Variants in VTA1 observed in about 807,000 individuals in gnomAD.
The protein encoded by VTA1 is vacuolar protein sorting-associated protein VTA1 homolog.
VTA1 carries 24 observed loss-of-function variants against 36.9 expected under a neutral mutation model. The ratio of observed to expected loss-of-function variants is 0.65; its 90% confidence interval spans 0.47 to 0.91. VTA1 has a LOEUF of 0.91. VTA1 is among the 40% of genes least tolerant of loss of function. The probability of loss-of-function intolerance (pLI) is 0.00; values close to 1 mark genes in which losing one functional copy is unlikely to be tolerated. For missense variants in VTA1, 393 were observed against 377.2 expected, an observed-to-expected ratio of 1.04 and a Z score of -0.35; for synonymous variants, 142 against 130.2, an observed-to-expected ratio of 1.09 and a Z score of -0.62.
intron 1 of VTA1, among the ~76,000 whole-genome samples, chr6:142,162,051 C>T (rs776903241): frequency 6.6e-6 from 1 of 152,094 alleles, no homozygotes; most frequent in Non-Finnish European, 1.5e-5. Context: ...TACATATGCA[C>T]ACAAACTAAG....
At chr6:142,147,675 CTG>C (rs947352458) in intron 1 of VTA1, among the ~76,000 whole-genome samples, 3 of 152,212 alleles carry the variant, frequency 2.0e-5, no homozygotes, top group Admixed American at 6.5e-5. Flanking sequence ...AAGGTTTTCT[CTG>C]TGTGTGTACA....
At chr6:142,150,361 T>C (rs1157793334) in intron 1 of VTA1, among the ~76,000 whole-genome samples, 1 of 152,220 alleles carries the variant, frequency 6.6e-6, no homozygotes, top group Non-Finnish European at 1.5e-5. Context: ...AATTCTTGAC[T>C]TCCATGTTTT....
chr6:142,197,728 G>A (rs1042031491), intron 5 of VTA1, among the ~76,000 whole-genome samples: 1 of 152,062 alleles, frequency 6.6e-6, no homozygotes, highest in East Asian at 1.9e-4. Context: ...AATGTGGCAT[G>A]TTTTGCCAGA....
chr6:142,160,924 A>G (rs571110002), intron 1 of VTA1, among the ~76,000 whole-genome samples: 1 of 152,102 alleles, frequency 6.6e-6, no homozygotes, highest in Non-Finnish European at 1.5e-5. Flanking sequence ...CTTACCCTAT[A>G]CTTTGATTTT....
intron 1 of VTA1, among the ~76,000 whole-genome samples, chr6:142,156,834 A>G (rs1188935861): frequency 1.3e-5 from 2 of 152,214 alleles, no homozygotes; most frequent in African/African-American, 4.8e-5. Context: ...TGTAAATGCT[A>G]AATAACAATG....
At chr6:142,173,320 T>G (rs962497062) in intron 4 of VTA1, among the ~76,000 whole-genome samples, 3 of 152,218 alleles carry the variant, frequency 2.0e-5, no homozygotes, top group Non-Finnish European at 4.4e-5. Context: ...TTCGTAGATG[T>G]GAATGGAAAT....
At chr6:142,194,250 T>C (rs1775504258) in intron 5 of VTA1, among the ~76,000 whole-genome samples, 1 of 152,174 alleles carries the variant, frequency 6.6e-6, no homozygotes, top group Non-Finnish European at 1.5e-5. Context: ...CTTTTTCCTT[T>C]ATCTTAACTA....
chr6:142,205,345 A>C (rs225692), intron 7 of VTA1, among the ~76,000 whole-genome samples: 1 of 151,862 alleles, frequency 6.6e-6, no homozygotes, highest in African/African-American at 2.4e-5. Flanking sequence ...GTGTTACTTT[A>C]TCATTTCATT....
At chr6:142,163,561 T>G (rs954860220) in intron 1 of VTA1, among the ~76,000 whole-genome samples, 2 of 152,076 alleles carry the variant, frequency 1.3e-5, no homozygotes, top group Non-Finnish European at 2.9e-5. Context: ...TAAAGAAGAC[T>G]GCAAATACAA....
intron 2 of VTA1, among the ~76,000 whole-genome samples, chr6:142,167,022 T>C (rs2114642479): frequency 1.3e-5 from 2 of 152,312 alleles, no homozygotes; most frequent in South Asian, 4.1e-4. Context: ...GGCTGTGTAT[T>C]TAGTGAAAGG....
intron 6 of VTA1, among the ~76,000 whole-genome samples, chr6:142,199,106 GA>G (rs1032404757): frequency 1.4e-4 from 21 of 151,528 alleles, no homozygotes; most frequent in African/African-American, 4.8e-4. Context: ...CAGTAACAAT[GA>G]AATCATAGAC....
rs573316213 is a variant in VTA1 at position 142,198,430 on chromosome 6, A to T, written c.521-9A>T. The stretch of plus-strand genomic sequence containing the variant: ...CCTACTGTAACATTGTGTATATGTG[A>T]TCTGATAGATATTGAAGAAAATGAA... On this transcript the variant is annotated splice_polypyrimidine_tract_variant and intron_variant, in intron 5 of 7. Coordinates refer to ENST00000367630, the MANE Select transcript of VTA1 (RefSeq NM_016485.5). The T allele has an allele frequency of 1.2e-6, 2 of 1,613,640 alleles. No homozygotes were observed. The highest frequency in any genetic ancestry group is 1.7e-6 in the Non-Finnish European group (2 of 1,179,696).
chr6:142,189,666 A>T, intron 5 of VTA1, 132 bp downstream of exon 5: 1 of 648,560 alleles, frequency 1.5e-6, no homozygotes, highest in Non-Finnish European at 2.5e-6. Flanking sequence ...GTTAAGTATA[A>T]AATCATAAAC....
At position 142,218,640 on chromosome 6, in the gene VTA1, A is replaced by G; in HGVS notation, c.921A>G (p.Glu307=). ...TCAAGTTACTGACGACAGGCAGAGA[A>G]TGAAGCCTTTGTATGACAGACCCAT... ...KALKLLTTGR[E] Residue 307 remains glutamate, a synonymous_variant, in exon 8 of 8, where the codon GAA becomes GAG. Transcript: ENST00000367630. 6.2e-7 allele frequency: 1 copy of G among 1,608,772 alleles called. No homozygotes were observed. Among genetic ancestry groups the G allele is most frequent in the Middle Eastern group, 1.7e-4 (1 of 6,034 alleles).
At chr6:142,166,458 G>C (rs1774916811) in intron 2 of VTA1, 136 bp downstream of exon 2, 2 of 573,776 alleles carry the variant, frequency 3.5e-6, no homozygotes, top group East Asian at 5.9e-5. Flanking sequence ...GGAAAAACTA[G>C]TAATAATTTA....
chr6:142,200,372 AATT>A (rs1325710268), intron 6 of VTA1, among the ~76,000 whole-genome samples: 1 of 151,986 alleles, frequency 6.6e-6, no homozygotes, highest in African/African-American at 2.4e-5. Flanking sequence ...GAACACTTAA[AATT>A]ATTATGCGAA....
Position 142,213,685 on chromosome 6 carries a change from C to T in VTA1, c.779-4813C>T, listed in dbSNP as rs757013773. ...CCCAAACCTCACCTCTTGCCTTCTG[C>T]GCACCCATAGGCCCAACACCACACC... On this transcript the variant is annotated intron_variant, in intron 7 of 7. Transcript: ENST00000367630. 9.2e-5 allele frequency among the ~76,000 whole-genome samples: 14 copies of T among 152,330 alleles called. No individual in the cohort carries two copies. In the South Asian group the frequency reaches 1.5e-3, roughly 16 times the overall value.
chr6:142,203,024 G>A (rs934640621), intron 6 of VTA1, among the ~76,000 whole-genome samples: 3 of 151,856 alleles, frequency 2.0e-5, no homozygotes, highest in Non-Finnish European at 4.4e-5. Context: ...AATCTTAAAA[G>A]TCAAAACTTC....
chr6:142,176,064 G>A (rs889400189), intron 4 of VTA1, among the ~76,000 whole-genome samples: 1 of 152,100 alleles, frequency 6.6e-6, no homozygotes, highest in African/African-American at 2.4e-5. Flanking sequence ...TTTAGTTATA[G>A]AGTCAACATA....
Sources: gnomAD v4.1 joint callset for allele counts (sites outside exome capture counted in the v4.1 genomes callset) on GRCh38, gnomAD v4.1.1 for gene constraint, MANE v1.5 for transcripts, NCBI Gene and HGNC (gene_info 2026-07-23, HGNC 2026-07-21) for gene names.